Variants in CFHR1 observed in about 807,000 individuals in gnomAD.
CFHR1 encodes complement factor H related 1.
In CFHR1, 22 loss-of-function variants were observed where a neutral mutation model predicts 30.4. The observed-to-expected ratio is 0.72, with a 90% confidence interval of 0.52 to 1.03. CFHR1 has a LOEUF of 1.03. Among genes scored for constraint, CFHR1 ranks in the 50% least tolerant of loss-of-function variants. CFHR1 has a pLI of 0.00. For synonymous variants in CFHR1, 95 were observed against 129.1 expected (o/e 0.74, Z 1.79); for missense variants, 248 against 380.6 (o/e 0.65, Z 2.90).
At position 196,830,614 on chromosome 1, in the gene CFHR1, A is replaced by G. The variant is rs757304876; in HGVS notation, c.722A>G (p.Tyr241Cys). The change falls in exon 5 of 6, where the codon TAT becomes TGT. Residue 241 changes from tyrosine (Y) to cysteine (C), a missense_variant. Tyr to Cys is a radical substitution (Grantham distance 194, BLOSUM62 -2). Around this residue, in one of 3 missense-constraint regions of CFHR1, gnomAD observed 112 missense variants for 156.4 expected, o/e 0.72. Coordinates refer to ENST00000320493, the MANE Select transcript of CFHR1 (RefSeq NM_002113.3). ...GTTGAGTACCAATGCCAGAACTTGT[A>G]TCAACTTGAGGGTAACAAGCGAATA... ...SSVEYQCQNL[Y>C]QLEGNKRITC... 6.6e-7 allele frequency: 1 copy of G among 1,524,492 alleles called. No homozygotes were observed. The highest frequency in any genetic ancestry group is 2.2e-5 in the East Asian group (1 of 44,604). The allele number at this position is 1,524,492 out of a possible 1,614,324, so 94.4% of individuals were successfully genotyped here.
intron 2 of CFHR1, chr1:196,825,959 T>G: frequency 3.9e-6 from 1 of 255,790 alleles, no homozygotes; most frequent in Non-Finnish European, 7.2e-6. Context: ...TAATATTCAT[T>G]TCGCAGCAGC....
At position 196,831,259 on chromosome 1, in the gene CFHR1, T is replaced by C. The variant is rs2336493; in HGVS notation, c.791-538T>C. On this transcript the variant is annotated intron_variant, in intron 5 of 5. Transcript: ENST00000320493. ...CTGTTTTGATATATTTATGCTACAA[T>C]GATTACCACAAATTAATTAGCACAT... 3.7e-5 allele frequency among the ~76,000 whole-genome samples: 5 copies of C among 136,388 alleles called. 2 individuals are homozygous for C. Among genetic ancestry groups the C allele is most frequent in the Non-Finnish European group, 3.1e-5 (2 of 64,598 alleles). The allele number at this position is 136,388 out of a possible 152,430, so 89.5% of individuals were successfully genotyped here. A position where few individuals can be genotyped will look rare whatever the true frequency, so the allele number is the denominator to read the frequency against.
At chr1:196,824,748 GTATATATATATATATATATATATA>G (rs71131725) in intron 1 of CFHR1, among the ~76,000 whole-genome samples, 2 of 54,998 alleles carry the variant, frequency 3.6e-5, no homozygotes, top group East Asian at 7.8e-4. Flanking sequence ...GGGGCTGACT[GTATATATATATATATATATATATA>G]TATATATATG....
intron 1 of CFHR1, among the ~76,000 whole-genome samples, chr1:196,824,123 C>T (rs1217674907): frequency 7.4e-6 from 1 of 134,442 alleles, no homozygotes; most frequent in Non-Finnish European, 1.6e-5. Context: ...CTTTAGCATC[C>T]TCAAGGAATT....
In CFHR1 at chr1:196,829,616, G is replaced by A. The variant is rs1417817522; in HGVS notation, c.608-884G>A. Reference sequence around the variant, plus strand: ...TCAAATTTGGAGTTGACAGTTCTTTGAACACTTGAAAACTGTGCCACATGG... The same window carrying A: ...TCAAATTTGGAGTTGACAGTTCTTTAAACACTTGAAAACTGTGCCACATGG... On this transcript the variant is annotated intron_variant, in intron 4 of 5. Transcript: ENST00000320493. 2.2e-5 allele frequency among the ~76,000 whole-genome samples: 3 copies of A among 134,778 alleles called. 1 individual carries two copies. Among genetic ancestry groups the A allele is most frequent in the Non-Finnish European group, 4.7e-5 (3 of 64,088 alleles). The allele number at this position is 134,778 out of a possible 152,430, so 88.4% of individuals were successfully genotyped here. A position where few individuals can be genotyped will look rare whatever the true frequency, so the allele number is the denominator to read the frequency against.
intron 2 of CFHR1, chr1:196,825,994 G>T: frequency 4.6e-6 from 1 of 215,122 alleles, no homozygotes. Context: ...CCTTTTAAAT[G>T]TCATTTTTAT....
In CFHR1 at chr1:196,831,912, G is replaced by T. The variant is rs4230; in HGVS notation, c.906G>T (p.Arg302=). The T allele has an allele frequency of 0.44, 663,270 of 1,522,178 alleles. 210,454 individuals carry two copies. Among genetic ancestry groups the T allele is most frequent in the African/African-American group, 0.66 (37,159 of 56,632 alleles). 94.3% of individuals were successfully genotyped at this position (1,522,178 alleles called of 1,614,324 possible). ...TGESAEFVCK[R]GYRLSSRSHT... is the part of the protein sequence containing the mutation. ...AATCAGCTGAATTTGTGTGTAAACG[G>T]GGATATCGTCTTTCATCACGTTCTC... Residue 302 remains arginine, a synonymous_variant, in exon 6 of 6, where the codon CGG becomes CGT. Coordinates refer to ENST00000320493, the MANE Select transcript of CFHR1 (RefSeq NM_002113.3).
Position 196,831,788 on chromosome 1 carries a change from T to C in CFHR1, c.791-9T>C, listed in dbSNP as rs767864626. The C allele has an allele frequency of 1.3e-6, 2 of 1,521,648 alleles. No homozygotes were observed. Among genetic ancestry groups the C allele is most frequent in the Non-Finnish European group, 1.8e-6 (2 of 1,125,706 alleles). The allele number at this position is 1,521,648 out of a possible 1,614,324, so 94.3% of individuals were successfully genotyped here. ...TTAATGTTTTATGTTTACTGTTTTTTATTTTCAGATCCGTGTGTAATATCC... is the reference window on the plus strand; with the variant it reads ...TTAATGTTTTATGTTTACTGTTTTTCATTTTCAGATCCGTGTGTAATATCC... On this transcript the variant is annotated splice_polypyrimidine_tract_variant and intron_variant, in intron 5 of 5. Coordinates refer to ENST00000320493, the MANE Select transcript of CFHR1 (RefSeq NM_002113.3).
In CFHR1 at chr1:196,831,274, A is replaced by G. The variant is rs1328379488; in HGVS notation, c.791-523A>G. On this transcript the variant is annotated intron_variant, in intron 5 of 5. Coordinates refer to ENST00000320493, the MANE Select transcript of CFHR1 (RefSeq NM_002113.3). ...TATGCTACAATGATTACCACAAATT[A>G]ATTAGCACATTCTTCATCACCTATG... Among the ~76,000 whole-genome samples, 2 of 136,164 alleles carry G rather than the reference A, an allele frequency of 1.5e-5. 1 individual carries two copies. The highest frequency in any genetic ancestry group is 3.1e-5 in the Non-Finnish European group (2 of 64,518). 89.3% of individuals were successfully genotyped at this position (136,164 alleles called of 152,430 possible). A position where few individuals can be genotyped will look rare whatever the true frequency, so the allele number is the denominator to read the frequency against.
At position 196,829,323 on chromosome 1, in the gene CFHR1, T is replaced by A. The variant is rs1235925942; in HGVS notation, c.607+1077T>A. On this transcript the variant is annotated intron_variant, in intron 4 of 5. Coordinates refer to ENST00000320493, the MANE Select transcript of CFHR1 (RefSeq NM_002113.3). ...GCATTGAGCACCATATTAAACTCAT[T>A]TGCTTCAAATATCAAACATAATTGA... is the stretch of plus-strand genomic sequence containing the variant. Among the ~76,000 whole-genome samples, 14 of 135,162 alleles carry A rather than the reference T, an allele frequency of 1.0e-4. 4 individuals are homozygous for A. The highest frequency in any genetic ancestry group is 1.6e-4 in the Non-Finnish European group (10 of 64,220). 88.7% of individuals were successfully genotyped at this position (135,162 alleles called of 152,430 possible). A position where few individuals can be genotyped will look rare whatever the true frequency, so the allele number is the denominator to read the frequency against.
Position 196,828,349 on chromosome 1 carries a change from T to C in CFHR1, c.607+103T>C, listed in dbSNP as rs1231386955. On this transcript the variant is annotated intron_variant, in intron 4 of 5. Transcript: ENST00000320493. ...CATTTTTATTAATAGATTTTTCAAA[T>C]GCAAATAAAATGATTGATGGTGCTT... 3.4e-5 allele frequency: 31 copies of C among 904,444 alleles called. 8 individuals are homozygous for C. Among genetic ancestry groups the C allele is most frequent in the Non-Finnish European group, 4.6e-5 (29 of 628,840 alleles). The allele number at this position is 904,444 out of a possible 1,614,324, so 56.0% of individuals were successfully genotyped here. A position where few individuals can be genotyped will look rare whatever the true frequency, so the allele number is the denominator to read the frequency against.
intron 1 of CFHR1, among the ~76,000 whole-genome samples, chr1:196,822,061 G>T (rs1480798486): frequency 7.6e-6 from 1 of 132,226 alleles, no homozygotes; most frequent in Non-Finnish European, 1.6e-5. Context: ...CGGCAGACTT[G>T]TATAGGGCTT....
rs778697156 is a variant in CFHR1, at chr1:196,823,101, A to ATGTGTGTG, written c.59-2350_59-2343dup. On this transcript the variant is annotated intron_variant, in intron 1 of 5. Transcript: ENST00000320493. ...TACGACTGTATATATATATATATAT[A>ATGTGTGTG]TGTGTGTGTGTGTGTGTGTGTGTGT... Among the ~76,000 whole-genome samples the ATGTGTGTG allele has an allele frequency of 4.3e-5, 2 of 47,034 alleles. 1 individual carries two copies. The highest frequency in any genetic ancestry group is 2.2e-4 in the African/African-American group (2 of 9,062). 30.9% of individuals were successfully genotyped at this position (47,034 alleles called of 152,430 possible). A position where few individuals can be genotyped will look rare whatever the true frequency, so the allele number is the denominator to read the frequency against.
chr1:196,820,763 GAAC>G (rs1200925965), intron 1 of CFHR1: 1 of 128,224 alleles, frequency 7.8e-6, no homozygotes, highest in Non-Finnish European at 1.6e-5. Context: ...TGACATAACA[GAAC>G]AACATGAACA....
intron 1 of CFHR1, among the ~76,000 whole-genome samples, chr1:196,822,457 A>AT (rs150609676): frequency 0.46 from 59,611 of 130,400 alleles, 19,257 homozygotes; most frequent in East Asian, 0.55. Context: ...TGTACAAAAG[A>AT]TTTTTTCTTT....
chr1:196,826,389 G>A (rs407900), intron 2 of CFHR1, among the ~76,000 whole-genome samples: 63,301 of 133,292 alleles, frequency 0.47, 21,371 homozygotes, highest in African/African-American at 0.59. Flanking sequence ...CCAAAAATAT[G>A]TTTCATCATA....
chr1:196,826,473 A>AT lies in CFHR1; in HGVS notation c.254-348dup, dbSNP rs141655345. ...TCAGCTTTGAAAGCTTTCCTTTTTA[A>AT]TTTTTTTTGTTCGTTTGTTTGTTTT... On this transcript the variant is annotated intron_variant, in intron 2 of 5. Coordinates refer to ENST00000320493, the MANE Select transcript of CFHR1 (RefSeq NM_002113.3). Among the ~76,000 whole-genome samples, 35 of 131,198 alleles carry AT rather than the reference A, an allele frequency of 2.7e-4. 6 individuals are homozygous for AT. The highest frequency in any genetic ancestry group is 1.0e-4 in the African/African-American group (3 of 29,932). 86.1% of individuals were successfully genotyped at this position (131,198 alleles called of 152,430 possible).
intron 2 of CFHR1, among the ~76,000 whole-genome samples, chr1:196,826,513 C>T (rs1454652311): frequency 7.5e-6 from 1 of 133,680 alleles, no homozygotes; most frequent in African/African-American, 3.2e-5. Flanking sequence ...TGTTTTTGAG[C>T]CATCTCAACT....
In CFHR1 at chr1:196,826,924, G is replaced by A; in HGVS notation, c.349G>A (p.Gly117Arg). The stretch of plus-strand genomic sequence containing the variant: ...TACTGTGCAAATTATTTGCAACACA[G>A]GATACAGACTTCAAAACAATGAGAA... ...GDTVQIICNTGYRLQNNENNI... is the reference protein window; with the variant it reads ...GDTVQIICNTRYRLQNNENNI... The change falls in exon 3 of 6, where the codon GGA becomes AGA. Residue 117 changes from glycine (G) to arginine (R), a missense_variant. Gly to Arg is a moderately radical substitution (Grantham distance 125). Coordinates refer to ENST00000320493, the MANE Select transcript of CFHR1 (RefSeq NM_002113.3). The A allele has an allele frequency of 6.6e-7, 1 of 1,525,524 alleles. No individual in the cohort carries two copies. Among genetic ancestry groups the A allele is most frequent in the East Asian group, 2.2e-5 (1 of 44,622 alleles). 94.5% of individuals were successfully genotyped at this position (1,525,524 alleles called of 1,614,324 possible).
Sources: gnomAD v4.1 joint callset for allele counts (sites outside exome capture counted in the v4.1 genomes callset) on GRCh38, gnomAD v4.1.1 for gene constraint, gnomAD v4.1.1 regional missense constraint, MANE v1.5 for transcripts, NCBI Gene and HGNC (gene_info 2026-07-23, HGNC 2026-07-21) for gene names.